SNTG1: variants seen among roughly 807,000 people sequenced by gnomAD.
The protein encoded by SNTG1 is gamma-1-syntrophin.
A neutral mutation model predicts 74.7 loss-of-function variants in SNTG1; 39 were observed. The ratio of observed to expected loss-of-function variants is 0.52; its 90% CI spans 0.40 to 0.68. SNTG1 has a LOEUF of 0.68. Among genes scored for constraint, SNTG1 ranks in the 30% least tolerant of loss-of-function variants. The pLI is 0.00. For synonymous variants in SNTG1, 254 were observed against 217.1 expected, an observed-to-expected ratio of 1.17 and a Z score of -1.49; for missense variants, 685 against 609.5, an observed-to-expected ratio of 1.12 and a Z score of -1.30.
chr8:49,966,946 C>G (rs1015995790), intron 1 of SNTG1, among the ~76,000 whole-genome samples: 1 of 152,010 alleles, frequency 6.6e-6, no homozygotes, highest in African/African-American at 2.4e-5. Context: ...AGTGCCATAT[C>G]ACAAATTTGC....
rs1281742374 is a variant in SNTG1, at chr8:50,259,511, AGAAAGAAAGAAAGAAAGAAAGAAAG to A, written c.-28+86877_-28+86901del. On this transcript the variant is annotated intron_variant, in intron 2 of 18. Coordinates refer to ENST00000642720, the MANE Select transcript of SNTG1 (RefSeq NM_018967.5). ...GAGACGCTGTCTCAAAAAAAAAAAA[AGAAAGAAAGAAAGAAAGAAAGAAAG>A]AAAGAAAGAAAGAAAGAAAGAAAGA... is the stretch of plus-strand genomic sequence containing the variant. Among the ~76,000 whole-genome samples, 187 of 96,570 alleles carry A rather than the reference AGAAAGAAAGAAAGAAAGAAAGAAAG, an allele frequency of 1.9e-3. 31 individuals carry two copies. Among genetic ancestry groups the A allele is most frequent in the African/African-American group, 8.7e-3 (185 of 21,370 alleles). 63.4% of individuals were successfully genotyped at this position (96,570 alleles called of 152,430 possible). A position where few individuals can be genotyped will look rare whatever the true frequency, so the allele number is the denominator to read the frequency against.
At chr8:50,337,058 C>CT (rs2091166926) in intron 2 of SNTG1, among the ~76,000 whole-genome samples, 2 of 152,202 alleles carry the variant, frequency 1.3e-5, no homozygotes. Context: ...GTCCCCCTGG[C>CT]TTTTTTCCCT....
intron 2 of SNTG1, among the ~76,000 whole-genome samples, chr8:50,238,529 T>A (rs2132114130): frequency 6.6e-6 from 1 of 152,222 alleles, no homozygotes; most frequent in Non-Finnish European, 1.5e-5. Context: ...AACCTAATAC[T>A]ATAAAAATCC....
At chr8:50,358,320 G>T (rs1011420030) in intron 2 of SNTG1, among the ~76,000 whole-genome samples, 2 of 152,206 alleles carry the variant, frequency 1.3e-5, no homozygotes, top group Admixed American at 6.5e-5. Flanking sequence ...ATTCATTAGA[G>T]TAAGTTTTTG....
intron 12 of SNTG1, among the ~76,000 whole-genome samples, chr8:50,558,016 G>T (rs2094466507): frequency 6.6e-6 from 1 of 152,128 alleles, no homozygotes; most frequent in Non-Finnish European, 1.5e-5. Flanking sequence ...CTGGATCGCA[G>T]CATCACTCTC....
intron 1 of SNTG1, among the ~76,000 whole-genome samples, chr8:50,055,670 G>A (rs1819962105): frequency 6.6e-6 from 1 of 152,020 alleles, no homozygotes; most frequent in South Asian, 2.1e-4. Flanking sequence ...AATTGAGGAA[G>A]CAGCGCTTGT....
At chr8:50,561,409 T>C (rs897731174) in intron 12 of SNTG1, among the ~76,000 whole-genome samples, 1 of 152,120 alleles carries the variant, frequency 6.6e-6, no homozygotes, top group Non-Finnish European at 1.5e-5. Flanking sequence ...TAAATAAATA[T>C]GTATTTTAAA....
rs988085632 is a variant in SNTG1, at chr8:50,606,001, G to T, written c.849+15084G>T. Reference sequence around the variant, plus strand: ...CTTGATCATGGTGAGTGATCTTTTTGATGTGTATTTGAATTTCCTTTGCTA... The same window carrying T: ...CTTGATCATGGTGAGTGATCTTTTTTATGTGTATTTGAATTTCCTTTGCTA... On this transcript the variant is annotated intron_variant, in intron 13 of 18. Coordinates refer to ENST00000642720, the MANE Select transcript of SNTG1 (RefSeq NM_018967.5). Among the ~76,000 whole-genome samples, 4 of 152,232 alleles carry T rather than the reference G, an allele frequency of 2.6e-5. No homozygotes were observed. The East Asian group carries it at 7.7e-4, about 29-fold the overall frequency.
At chr8:49,929,231 A>T (rs530475735) in intron 1 of SNTG1, among the ~76,000 whole-genome samples, 113 of 152,328 alleles carry the variant, frequency 7.4e-4, no homozygotes, top group African/African-American at 2.6e-3. Flanking sequence ...CTAGAAAAAT[A>T]TAATTCATTG....
At chr8:49,956,136 G>C (rs529803058) in intron 1 of SNTG1, among the ~76,000 whole-genome samples, 4 of 152,294 alleles carry the variant, frequency 2.6e-5, no homozygotes, top group South Asian at 4.1e-4. Flanking sequence ...TTAAAATTCT[G>C]ATCTGGGTTA....
At position 50,342,587 on chromosome 8, in the gene SNTG1, C is replaced by T. The variant is rs1254844999; in HGVS notation, c.-27-51625C>T. On this transcript the variant is annotated intron_variant, in intron 2 of 18. Coordinates refer to ENST00000642720, the MANE Select transcript of SNTG1 (RefSeq NM_018967.5). ...ATTTAAAACACATCTATTGTGTTAA[C>T]CTGCCAATGACTCAATCATGTTACA... is the stretch of plus-strand genomic sequence containing the variant. Among the ~76,000 whole-genome samples, 4 of 152,240 alleles carry T rather than the reference C, an allele frequency of 2.6e-5. No individual in the cohort carries two copies. The South Asian group carries it at 8.3e-4, about 32-fold the overall frequency.
intron 5 of SNTG1, among the ~76,000 whole-genome samples, chr8:50,443,129 T>C (rs2093373881): frequency 6.6e-6 from 1 of 152,238 alleles, no homozygotes; most frequent in Non-Finnish European, 1.5e-5. Flanking sequence ...TTTTGCCTTA[T>C]TCTTCCTATC....
chr8:50,218,293 C>T (rs16914526), intron 2 of SNTG1, among the ~76,000 whole-genome samples: 3,831 of 152,036 alleles, frequency 0.025, 162 homozygotes, highest in South Asian at 0.14. Context: ...CTGTGGGTTA[C>T]GCTTTGCTTC....
intron 2 of SNTG1, among the ~76,000 whole-genome samples, chr8:50,320,233 T>G (rs551399028): frequency 6.6e-6 from 1 of 152,312 alleles, no homozygotes; most frequent in Non-Finnish European, 1.5e-5. Context: ...CATGTTTCAA[T>G]CACGATAGGT....
chr8:50,382,374 T>A (rs998376925), intron 2 of SNTG1: 1 of 152,202 alleles, frequency 6.6e-6, no homozygotes, highest in Non-Finnish European at 1.5e-5. Flanking sequence ...ACTTGTTAGT[T>A]GTGTTTAAAG....
chr8:50,047,718 G>T (rs1437848412), intron 1 of SNTG1, among the ~76,000 whole-genome samples: 1 of 152,130 alleles, frequency 6.6e-6, no homozygotes, highest in African/African-American at 2.4e-5. Context: ...TAAGGTGAAG[G>T]GAAAGCTTAT....
In SNTG1 at chr8:50,311,944, C is replaced by A. The variant is rs1054316354; in HGVS notation, c.-27-82268C>A. Among the ~76,000 whole-genome samples the A allele has an allele frequency of 2.0e-5, 3 of 152,256 alleles. No homozygotes were observed. The South Asian group carries it at 6.2e-4, about 32-fold the overall frequency. ...ATTGTCTGTTCTCCTGGGATCACTG[C>A]AGACTCTTAATTATCCCCATTAATG... On this transcript the variant is annotated intron_variant, in intron 2 of 18. Transcript: ENST00000642720.
intron 17 of SNTG1, among the ~76,000 whole-genome samples, chr8:50,726,135 A>G (rs983131083): frequency 2.9e-4 from 44 of 152,208 alleles, no homozygotes; most frequent in African/African-American, 1.0e-3. Context: ...TCCTAAACCC[A>G]CATTAACATG....
chr8:49,974,716 C>T (rs561317036), intron 1 of SNTG1, among the ~76,000 whole-genome samples: 24 of 152,128 alleles, frequency 1.6e-4, no homozygotes, highest in South Asian at 4.2e-4. Context: ...TAAAATCCAA[C>T]GACTCTATTT....
Sources: allele counts gnomAD v4.1 joint callset (sites outside exome capture counted in the v4.1 genomes callset), GRCh38; gene constraint gnomAD v4.1.1; transcripts MANE v1.5; gene names NCBI Gene and HGNC (gene_info 2026-07-23, HGNC 2026-07-21).